Variants in SDK1 observed in about 807,000 individuals in gnomAD.
The protein encoded by SDK1 is protein sidekick-1.
In SDK1, 157 loss-of-function variants were observed where a neutral mutation model predicts 245.5. That is an observed-to-expected ratio of 0.64 (90% confidence interval 0.56 to 0.73). SDK1 has a LOEUF of 0.73. Among genes scored for constraint, SDK1 ranks in the 30% least tolerant of loss-of-function variants. The pLI is 0.00. For synonymous variants in SDK1, 1,647 were observed against 1,278.5 expected (o/e 1.29, Z -6.15); for missense variants, 3,583 against 3,002.3 (o/e 1.19, Z -4.52).
intron 1 of SDK1, among the ~76,000 whole-genome samples, chr7:3,314,596 C>A (rs1779620265): frequency 6.6e-6 from 1 of 152,126 alleles, no homozygotes; most frequent in African/African-American, 2.4e-5. Context: ...CTCATCAATT[C>A]CTGAATTTTG....
intron 1 of SDK1, among the ~76,000 whole-genome samples, chr7:3,467,097 C>T (rs897676006): frequency 6.6e-6 from 1 of 150,428 alleles, no homozygotes; most frequent in African/African-American, 2.5e-5. Context: ...GTCATTATAC[C>T]TGGTTGGTTG....
intron 1 of SDK1, among the ~76,000 whole-genome samples, chr7:3,447,740 C>T (rs1401946145): frequency 2.4e-5 from 3 of 126,624 alleles, no homozygotes; most frequent in Non-Finnish European, 4.7e-5. Context: ...GTTTCACTCT[C>T]GTTGCCCAGG....
chr7:3,633,880 G>A (rs1264391419), intron 2 of SDK1, among the ~76,000 whole-genome samples: 2 of 152,024 alleles, frequency 1.3e-5, no homozygotes, highest in African/African-American at 4.8e-5. Context: ...TCCTCTGAGG[G>A]TCCTGCTGCT....
At chr7:3,545,066 G>T (rs1015635301) in intron 1 of SDK1, among the ~76,000 whole-genome samples, 2 of 152,168 alleles carry the variant, frequency 1.3e-5, no homozygotes, top group Non-Finnish European at 2.9e-5. Flanking sequence ...AGGACTGGGA[G>T]GAGAGCTGGT....
chr7:3,814,940 T>C (rs1177633659), intron 4 of SDK1, among the ~76,000 whole-genome samples: 4 of 152,142 alleles, frequency 2.6e-5, no homozygotes, highest in Non-Finnish European at 4.4e-5. Flanking sequence ...GTAAGAATGC[T>C]TGTGATTTTT....
intron 1 of SDK1, among the ~76,000 whole-genome samples, chr7:3,616,693 A>G (rs1484330161): frequency 1.3e-5 from 2 of 152,218 alleles, no homozygotes; most frequent in African/African-American, 4.8e-5. Flanking sequence ...TATACCAATT[A>G]TGATGGAATA....
chr7:4,193,144 A>T (rs1448107609), intron 35 of SDK1, among the ~76,000 whole-genome samples: 3 of 132,064 alleles, frequency 2.3e-5, no homozygotes, highest in African/African-American at 8.9e-5. Context: ...ATATATTAAT[A>T]TATTTATATA....
chr7:3,576,495 T>A (rs1583185174), intron 1 of SDK1, among the ~76,000 whole-genome samples: 1 of 152,218 alleles, frequency 6.6e-6, no homozygotes, highest in African/African-American at 2.4e-5. Flanking sequence ...GATGTCTTGC[T>A]CCTTGCTATG....
chr7:3,600,239 A>G (rs188604407), intron 1 of SDK1, among the ~76,000 whole-genome samples: 39 of 152,320 alleles, frequency 2.6e-4, no homozygotes, highest in Non-Finnish European at 4.6e-4. Flanking sequence ...GTTTATAGAA[A>G]TGTGATTGAT....
intron 4 of SDK1, among the ~76,000 whole-genome samples, chr7:3,651,910 C>T (rs577609674): frequency 1.1e-4 from 16 of 152,096 alleles, no homozygotes; most frequent in Non-Finnish European, 1.8e-4. Context: ...TCAGCTAAGC[C>T]AACGATCCCA....
intron 5 of SDK1, among the ~76,000 whole-genome samples, chr7:3,854,868 T>G (rs766562787): frequency 2.6e-5 from 4 of 152,048 alleles, no homozygotes; most frequent in Non-Finnish European, 4.4e-5. Context: ...ACAGACAAAG[T>G]TGGATTGAAA....
chr7:3,878,489 C>T (rs187044592), intron 5 of SDK1, among the ~76,000 whole-genome samples: 1,951 of 152,122 alleles, frequency 0.013, 13 homozygotes, highest in Non-Finnish European at 0.02. Flanking sequence ...TGCACTCCAG[C>T]CTGGGTGACA....
chr7:4,155,819 G>A (rs980245118), intron 30 of SDK1, among the ~76,000 whole-genome samples: 3 of 152,106 alleles, frequency 2.0e-5, no homozygotes, highest in Admixed American at 2.0e-4. Context: ...GATACAGCAG[G>A]AAAGGAGGCC....
chr7:3,672,758 T>C (rs1734289616), intron 4 of SDK1, among the ~76,000 whole-genome samples: 1 of 68,872 alleles, frequency 1.5e-5, no homozygotes, highest in Non-Finnish European at 2.8e-5. Context: ...AATATATAAT[T>C]TTATATATAT....
chr7:3,610,349 A>G (rs746777679), intron 1 of SDK1, among the ~76,000 whole-genome samples: 37 of 152,340 alleles, frequency 2.4e-4, no homozygotes, highest in Admixed American at 5.9e-4. Context: ...ATTCGAAAGA[A>G]TCTTTGAAAG....
chr7:3,510,613 A>C (rs1048045328), intron 1 of SDK1, among the ~76,000 whole-genome samples: 1 of 152,188 alleles, frequency 6.6e-6, no homozygotes, highest in Non-Finnish European at 1.5e-5. Flanking sequence ...GGCCCAAGAC[A>C]GGTTTTAGTG....
At chr7:3,861,431 T>C (rs933860632) in intron 5 of SDK1, among the ~76,000 whole-genome samples, 15 of 152,218 alleles carry the variant, frequency 9.9e-5, no homozygotes, top group Admixed American at 8.5e-4. Context: ...GTAATCACTG[T>C]GCAGGCATTT....
intron 19 of SDK1, among the ~76,000 whole-genome samples, chr7:4,066,054 C>G (rs964119683): frequency 1.3e-5 from 2 of 152,116 alleles, no homozygotes; most frequent in African/African-American, 4.8e-5. Context: ...TCAGTAGGAA[C>G]CAGTGTTCCC....
At position 3,330,001 on chromosome 7, in the gene SDK1, C is replaced by T. The variant is rs115679853; in HGVS notation, c.298+28117C>T. On this transcript the variant is annotated intron_variant, in intron 1 of 44. Transcript: ENST00000404826. ...TGCATAGGAGGTCCTGGAACCAATC[C>T]GCTATGGATACCAAGTAGATGTCTA... 8.4e-3 allele frequency among the ~76,000 whole-genome samples: 1,275 copies of T among 152,296 alleles called. 15 individuals are homozygous for T. The highest frequency in any genetic ancestry group is 0.029 in the African/African-American group (1,190 of 41,556).
Sources: allele counts gnomAD v4.1 joint callset (sites outside exome capture counted in the v4.1 genomes callset), GRCh38; gene constraint gnomAD v4.1.1; transcripts MANE v1.5; gene names NCBI Gene and HGNC (gene_info 2026-07-23, HGNC 2026-07-21).